NALCN: variants seen among roughly 807,000 people sequenced by gnomAD.
The protein encoded by NALCN is sodium leak channel, non-selective.
NALCN carries 111 observed loss-of-function variants against 225.3 expected under a neutral mutation model. The ratio of observed to expected loss-of-function variants is 0.49; its 90% confidence interval spans 0.42 to 0.58. The LOEUF (loss-of-function observed/expected upper bound fraction) is 0.58, where lower values mean the gene tolerates loss of function less well. NALCN is among the 20% of genes least tolerant of loss of function. The probability of loss-of-function intolerance (pLI) is 0.00; values close to 1 mark genes in which losing one functional copy is unlikely to be tolerated. For missense variants in NALCN, 1,378 were observed against 2,202.4 expected (o/e 0.63, Z 7.49); for synonymous variants, 764 against 769.0 (o/e 0.99, Z 0.11).
intron 38 of NALCN, 27 bp downstream of exon 38, chr13:101,068,667 TA>T (rs749491812): frequency 6.5e-7 from 1 of 1,550,386 alleles, no homozygotes; most frequent in Non-Finnish European, 8.7e-7. Flanking sequence ...GTTTAAAGAG[TA>T]AAAAGTATTC....
chr13:101,213,055 G>A (rs933532852), intron 13 of NALCN, among the ~76,000 whole-genome samples: 1 of 151,996 alleles, frequency 6.6e-6, no homozygotes, highest in African/African-American at 2.4e-5. Context: ...TATACTATAA[G>A]GCTACAGTAA....
intron 6 of NALCN, among the ~76,000 whole-genome samples, chr13:101,372,328 C>T (rs1360575903): frequency 2.6e-5 from 4 of 152,136 alleles, no homozygotes; most frequent in East Asian, 1.9e-4. Context: ...ATACCCAGAA[C>T]AAATTATCAG....
chr13:101,382,831 C>T (rs1311695964), intron 3 of NALCN, among the ~76,000 whole-genome samples: 2 of 152,114 alleles, frequency 1.3e-5, no homozygotes, highest in Non-Finnish European at 2.9e-5. Context: ...TTTTCAGAAA[C>T]ATATAGTGGC....
chr13:101,108,073 AATAT>A (rs2035236657), intron 20 of NALCN, among the ~76,000 whole-genome samples: 2 of 144,918 alleles, frequency 1.4e-5, no homozygotes, highest in Non-Finnish European at 3.1e-5. Flanking sequence ...ATTTACAATA[AATAT>A]ATATCTATAT....
chr13:101,106,574 A>C (rs2035116081), intron 22 of NALCN, among the ~76,000 whole-genome samples: 1 of 152,230 alleles, frequency 6.6e-6, no homozygotes, highest in South Asian at 2.1e-4. Flanking sequence ...TAGCTCCCAT[A>C]ATTCCCACAT....
intron 2 of NALCN, among the ~76,000 whole-genome samples, chr13:101,396,167 G>A (rs1209633101): frequency 6.6e-6 from 1 of 151,896 alleles, no homozygotes; most frequent in African/African-American, 2.4e-5. Context: ...AAAATAAGAA[G>A]AAAGAATTAA....
At chr13:101,271,155 G>A (rs1036303807) in intron 10 of NALCN, among the ~76,000 whole-genome samples, 1 of 151,978 alleles carries the variant, frequency 6.6e-6, no homozygotes, top group Non-Finnish European at 1.5e-5. Context: ...AATCAAAGAA[G>A]CAAAACTGTT....
intron 6 of NALCN, among the ~76,000 whole-genome samples, chr13:101,352,503 T>C (rs1566606969): frequency 6.6e-6 from 1 of 152,180 alleles, no homozygotes; most frequent in African/African-American, 2.4e-5. Context: ...CTTTTCACCT[T>C]TTCTCTGGTG....
intron 12 of NALCN, among the ~76,000 whole-genome samples, chr13:101,234,366 G>T (rs748537356): frequency 2.0e-4 from 31 of 152,274 alleles, no homozygotes; most frequent in Middle Eastern, 3.4e-3. Context: ...TAGTCTAACA[G>T]ATAACTAATA....
Position 101,176,353 on chromosome 13 carries a change from CAACA to C in NALCN, c.1782_1785del (p.Phe594LeufsTer8), listed in dbSNP as rs2038957496. 5 of 1,598,208 alleles carry C rather than the reference CAACA, an allele frequency of 3.1e-6. No individual in the cohort carries two copies. The highest frequency in any genetic ancestry group is 4.3e-6 in the Non-Finnish European group (5 of 1,174,254). On this transcript the variant is annotated frameshift_variant, in exon 15 of 44. Transcript: ENST00000251127. LOFTEE classifies it high-confidence loss of function. ...AGTTCTAAGTTGTCCAAAATAACAGCAACAAACAAACTCAGGAGGATCTATAAAA... is the reference window on the plus strand; with the variant it reads ...AGTTCTAAGTTGTCCAAAATAACAGCAACAAACTCAGGAGGATCTATAAAA...
At chr13:101,114,479 T>C (rs2035606891) in intron 18 of NALCN, among the ~76,000 whole-genome samples, 1 of 151,976 alleles carries the variant, frequency 6.6e-6, no homozygotes, top group Non-Finnish European at 1.5e-5. Context: ...CCATCTTGCT[T>C]GCTTGCCCTG....
intron 7 of NALCN, among the ~76,000 whole-genome samples, chr13:101,319,482 A>C (rs1292405426): frequency 6.6e-6 from 1 of 152,224 alleles, no homozygotes; most frequent in Non-Finnish European, 1.5e-5. Flanking sequence ...TACCTTCTGA[A>C]TCAAAGCGAT....
At chr13:101,390,661 T>G (rs2047118438) in intron 3 of NALCN, among the ~76,000 whole-genome samples, 1 of 151,510 alleles carries the variant, frequency 6.6e-6, no homozygotes, top group Non-Finnish European at 1.5e-5. Flanking sequence ...AGCAAGCCAC[T>G]TCGAGGGAAA....
chr13:101,057,865 G>T, intron 43 of NALCN, 74 bp downstream of exon 43: 1 of 1,187,100 alleles, frequency 8.4e-7, no homozygotes, highest in Non-Finnish European at 1.3e-6. Context: ...TGAAAGGCAA[G>T]ACCCAAAACA....
chr13:101,345,771 T>TATATA (rs56015893), intron 6 of NALCN, among the ~76,000 whole-genome samples: 1 of 117,006 alleles, frequency 8.5e-6, no homozygotes, highest in Admixed American at 8.9e-5. Context: ...TATATATATA[T>TATATA]TTAGAGAGGG....
At chr13:101,128,177 C>T (rs2036332948) in intron 17 of NALCN, among the ~76,000 whole-genome samples, 1 of 152,152 alleles carries the variant, frequency 6.6e-6, no homozygotes, top group African/African-American at 2.4e-5. Context: ...GTCAAAGATT[C>T]GTTGAAGAAG....
chr13:101,318,567 T>C (rs1221745047), intron 7 of NALCN, among the ~76,000 whole-genome samples: 1 of 152,212 alleles, frequency 6.6e-6, no homozygotes, highest in Non-Finnish European at 1.5e-5. Flanking sequence ...TTGACATCAA[T>C]TTCTGAAAAT....
At chr13:101,283,716 T>C (rs559055571) in intron 10 of NALCN, among the ~76,000 whole-genome samples, 1 of 151,780 alleles carries the variant, frequency 6.6e-6, no homozygotes, top group Non-Finnish European at 1.5e-5. Context: ...TGCTCTTACA[T>C]GCCTGCAGCC....
At chr13:101,229,700 C>A (rs1417715396) in intron 12 of NALCN, 116 bp from the exon 13 acceptor site, 3 of 854,012 alleles carry the variant, frequency 3.5e-6, no homozygotes, top group Non-Finnish European at 4.9e-6. Context: ...TCATACCTCT[C>A]TATTTGAATA....
Sources: gnomAD v4.1 joint callset for allele counts (sites outside exome capture counted in the v4.1 genomes callset) on GRCh38, gnomAD v4.1.1 for gene constraint, MANE v1.5 for transcripts, NCBI Gene and HGNC (gene_info 2026-07-23, HGNC 2026-07-21) for gene names.